Variants in MTX2 observed in about 807,000 individuals in gnomAD.
The protein encoded by MTX2 is metaxin 2.
In MTX2, 35 loss-of-function variants were observed where a neutral mutation model predicts 42.3. The observed-to-expected ratio is 0.83, with a 90% CI of 0.63 to 1.10. The LOEUF (loss-of-function observed/expected upper bound fraction) is 1.10. MTX2 is among the 50% of genes least tolerant of loss of function. MTX2 has a pLI of 0.00. For missense variants in MTX2, 307 were observed against 304.1 expected, an observed-to-expected ratio of 1.01 and a Z score of -0.07; for synonymous variants, 119 against 100.9, an observed-to-expected ratio of 1.18 and a Z score of -1.08.
At chr2:176,306,364 A>G (rs1684144465) in intron 3 of MTX2, among the ~76,000 whole-genome samples, 2 of 152,236 alleles carry the variant, frequency 1.3e-5, no homozygotes, top group African/African-American at 2.4e-5. Flanking sequence ...TAGTGCTGCA[A>G]TAAACATGTG....
intron 9 of MTX2, 77 bp downstream of exon 9, chr2:176,330,737 C>A: frequency 2.1e-6 from 2 of 966,430 alleles, no homozygotes; most frequent in Non-Finnish European, 3.2e-6. Context: ...AAAAGAATTG[C>A]TTTTTCAAGA....
intron 9 of MTX2, among the ~76,000 whole-genome samples, chr2:176,337,017 G>A (rs1685004074): frequency 1.3e-5 from 2 of 152,100 alleles, no homozygotes; most frequent in Admixed American, 1.3e-4. Context: ...GTGTTTGCAT[G>A]TAATCTATGT....
intron 3 of MTX2, among the ~76,000 whole-genome samples, chr2:176,299,906 T>C (rs930841512): frequency 7.2e-5 from 11 of 151,954 alleles, no homozygotes; most frequent in African/African-American, 2.4e-4. Context: ...ACACATACAC[T>C]TGGTGTTTAT....
intron 5 of MTX2, 31 bp from the exon 6 acceptor site, chr2:176,328,262 G>A (rs1684763779): frequency 7.2e-7 from 1 of 1,397,338 alleles, no homozygotes; most frequent in Non-Finnish European, 9.7e-7. Flanking sequence ...TTAATATGAT[G>A]TTCTTTTAAA....
intron 3 of MTX2, among the ~76,000 whole-genome samples, chr2:176,308,272 T>G (rs1367202578): frequency 6.6e-6 from 1 of 152,110 alleles, no homozygotes; most frequent in African/African-American, 2.4e-5. Context: ...ATGGATAAGG[T>G]TTTTGATGTG....
At chr2:176,288,549 A>G (rs1326714369) in intron 1 of MTX2, among the ~76,000 whole-genome samples, 1 of 150,646 alleles carries the variant, frequency 6.6e-6, no homozygotes, top group African/African-American at 2.4e-5. Context: ...CTTTTATATA[A>G]CACTGTCTAA....
chr2:176,337,181 A>C lies in MTX2; in HGVS notation c.621-312A>C, dbSNP rs569660165. On this transcript the variant is annotated intron_variant, in intron 9 of 9. Coordinates refer to ENST00000249442, the MANE Select transcript of MTX2 (RefSeq NM_006554.5). The stretch of plus-strand genomic sequence containing the variant: ...CTCAGCCTCCCGTGTAGCTAGGACT[A>C]TAGCCAAGCACCACCATGCCTGGCT... 1.3e-4 allele frequency among the ~76,000 whole-genome samples: 20 copies of C among 152,200 alleles called. No individual in the cohort carries two copies. The South Asian group carries it at 2.1e-3, about 16-fold the overall frequency.
chr2:176,328,820 T>C, intron 6 of MTX2, 54 bp from the exon 7 acceptor site: 3 of 1,548,100 alleles, frequency 1.9e-6, no homozygotes, highest in Non-Finnish European at 2.7e-6. Context: ...TAACTTTCTT[T>C]ATCCTTTTCC....
intron 9 of MTX2, among the ~76,000 whole-genome samples, chr2:176,334,896 C>A (rs1247451760): frequency 6.6e-6 from 1 of 151,902 alleles, no homozygotes; most frequent in Non-Finnish European, 1.5e-5. Flanking sequence ...AGAAGTGTGT[C>A]ACCTTTTTAT....
chr2:176,326,428 TG>T lies in MTX2; in HGVS notation c.209-396del, dbSNP rs1347569517. On this transcript the variant is annotated intron_variant, in intron 4 of 9. Coordinates refer to ENST00000249442, the MANE Select transcript of MTX2 (RefSeq NM_006554.5). Reference sequence around the variant, plus strand: ...TAGTTTACAATATAGATTGATTCACTGTACTCTGAAAAGAAAGCTTACATTT... The same window carrying T: ...TAGTTTACAATATAGATTGATTCACTTACTCTGAAAAGAAAGCTTACATTT... Among the ~76,000 whole-genome samples the T allele has an allele frequency of 2.6e-5, 4 of 151,756 alleles. No individual in the cohort carries two copies. The East Asian group carries it at 7.7e-4, about 29-fold the overall frequency.
At chr2:176,306,754 G>A (rs1684157869) in intron 3 of MTX2, among the ~76,000 whole-genome samples, 2 of 151,904 alleles carry the variant, frequency 1.3e-5, no homozygotes, top group African/African-American at 4.8e-5. Flanking sequence ...TTTTTGATGG[G>A]GTTGTTTTTT....
At chr2:176,332,642 A>G (rs1684889976) in intron 9 of MTX2, among the ~76,000 whole-genome samples, 1 of 151,472 alleles carries the variant, frequency 6.6e-6, no homozygotes, top group Non-Finnish European at 1.5e-5. Context: ...GATCTCACAG[A>G]AAGAATAATA....
intron 3 of MTX2, among the ~76,000 whole-genome samples, chr2:176,311,755 GGAA>G (rs1684313958): frequency 6.6e-6 from 1 of 152,230 alleles, no homozygotes; most frequent in Non-Finnish European, 1.5e-5. Flanking sequence ...TAAGACCATG[GGAA>G]GAGCACAGTA....
intron 3 of MTX2, among the ~76,000 whole-genome samples, chr2:176,312,217 T>A (rs1239468820): frequency 6.6e-6 from 1 of 152,196 alleles, no homozygotes; most frequent in Non-Finnish European, 1.5e-5. Flanking sequence ...AAATGCTAAT[T>A]TTTGCTATAG....
intron 3 of MTX2, among the ~76,000 whole-genome samples, chr2:176,306,523 C>A (rs1369027419): frequency 1.3e-5 from 2 of 152,284 alleles, no homozygotes; most frequent in East Asian, 3.9e-4. Context: ...TACACTCCCA[C>A]CAACAGTGTA....
intron 3 of MTX2, among the ~76,000 whole-genome samples, chr2:176,318,613 A>G (rs1414735833): frequency 1.3e-5 from 2 of 152,230 alleles, no homozygotes; most frequent in Non-Finnish European, 2.9e-5. Context: ...AATTGGAAAT[A>G]TAGTATTTAA....
rs140135892 is a variant in MTX2 at position 176,299,573 on chromosome 2, C to T, written c.135+1678C>T. Among the ~76,000 whole-genome samples, 476 of 152,102 alleles carry T rather than the reference C, an allele frequency of 3.1e-3. 5 individuals are homozygous for T. The highest frequency in any genetic ancestry group is 0.01 in the African/African-American group (422 of 41,518). ...TGTTTTTATCCTACATATGTCACTT[C>T]GATGATAAATTACGCAGCATATATT... On this transcript the variant is annotated intron_variant, in intron 3 of 9. Transcript: ENST00000249442.
At chr2:176,270,407 C>T (rs375394807) in intron 1 of MTX2, 1 of 1,363,320 alleles carries the variant, frequency 7.3e-7, no homozygotes, top group Admixed American at 1.9e-5. Context: ...CTGAACATGA[C>T]TGATGTATAT....
chr2:176,330,041 C>T (rs1684822585), intron 8 of MTX2, among the ~76,000 whole-genome samples: 1 of 151,026 alleles, frequency 6.6e-6, no homozygotes, highest in South Asian at 2.1e-4. Context: ...ACTAGCCAGC[C>T]ATCTCACTGA....
Sources: allele counts gnomAD v4.1 joint callset (sites outside exome capture counted in the v4.1 genomes callset), GRCh38; gene constraint gnomAD v4.1.1; transcripts MANE v1.5; gene names NCBI Gene and HGNC (gene_info 2026-07-23, HGNC 2026-07-21).